The following SLC5A5 variants were observed in gnomAD, a reference collection of about 807,000 sequenced individuals.
SLC5A5 encodes the protein solute carrier family 5 member 5.
SLC5A5 carries 56 observed loss-of-function variants against 68.6 expected under a neutral mutation model. The observed-to-expected ratio is 0.82, with a 90% CI of 0.66 to 1.02. SLC5A5 has a LOEUF of 1.02. Ranked by LOEUF, SLC5A5 falls within the 50% of genes least tolerant of loss-of-function variation. The pLI, the probability that SLC5A5 is intolerant of heterozygous loss-of-function variation, is 0.00. For synonymous variants in SLC5A5, 398 were observed against 373.0 expected (o/e 1.07, Z -0.77); for missense variants, 807 against 859.8 (o/e 0.94, Z 0.77).
rs750116951 is a variant in SLC5A5 at position 17,882,181 on chromosome 19, G to A, written c.1204G>A (p.Ala402Thr). 5 of 1,613,996 alleles carry A rather than the reference G, an allele frequency of 3.1e-6. No homozygotes were observed. The East Asian group carries it at 1.1e-4, about 36-fold the overall frequency. Residue 402 changes from alanine (A) to threonine (T), a missense_variant, in exon 10 of 15, where the codon GCA becomes ACA. Physicochemically the swap from Ala to Thr is moderately conservative, Grantham distance 58 (BLOSUM62 0). Transcript: ENST00000222248. ...LIYGSACLTV[A>T]ALSSLLGGGV... ...CTACGGATCGGCCTGTCTCACCGTGGCAGCCCTGTCCTCACTGCTCGGAGG... is the reference window on the plus strand; with the variant it reads ...CTACGGATCGGCCTGTCTCACCGTGACAGCCCTGTCCTCACTGCTCGGAGG...
In SLC5A5 at chr19:17,894,869, A is replaced by G. The variant is rs2030351362; in HGVS notation, c.*992A>G. 1 of 152,218 alleles carries G rather than the reference A, an allele frequency of 6.6e-6. No homozygotes were observed. The highest frequency in any genetic ancestry group is 2.1e-4 in the South Asian group (1 of 4,830). The allele number at this position is 152,218 out of a possible 1,614,324, so 9.4% of individuals were successfully genotyped here. A position where few individuals can be genotyped will look rare whatever the true frequency, so the allele number is the denominator to read the frequency against. On this transcript the variant is annotated 3_prime_UTR_variant, in exon 15 of 15. Transcript: ENST00000222248. ...GGGTCTTTGCAGGTGTAACTGGTTA[A>G]ATTAAAAGAGGTATTACTGGAGGAG...
chr19:17,888,519 C>G (rs2030016990), intron 13 of SLC5A5, 64 bp downstream of exon 13: 31 of 1,592,464 alleles, frequency 1.9e-5, no homozygotes, highest in Non-Finnish European at 2.5e-5. Flanking sequence ...CAAGGCTCCA[C>G]CCAGCAGGGA....
chr19:17,880,764 C>G lies in SLC5A5; in HGVS notation c.970-101C>G. On this transcript the variant is annotated intron_variant, in intron 7 of 14. Transcript: ENST00000222248. ...GCATATTAAATGCCGACTCTGAGCCCTGTCCGTCTTGGGTGCTGGGGACGT... is the reference window on the plus strand; with the variant it reads ...GCATATTAAATGCCGACTCTGAGCCGTGTCCGTCTTGGGTGCTGGGGACGT... 3 of 833,234 alleles carry G rather than the reference C, an allele frequency of 3.6e-6. No individual in the cohort carries two copies. The South Asian group carries it at 4.0e-5, about 11-fold the overall frequency. The allele number at this position is 833,234 out of a possible 1,614,324, so 51.6% of individuals were successfully genotyped here.
rs368408648 is a variant in SLC5A5, at chr19:17,882,257, A to G, written c.1242+38A>G. 11 of 1,529,432 alleles carry G rather than the reference A, an allele frequency of 7.2e-6. No individual in the cohort carries two copies. In the African/African-American group the frequency reaches 1.4e-4, roughly 19 times the overall value. The allele number at this position is 1,529,432 out of a possible 1,614,324, so 94.7% of individuals were successfully genotyped here. The stretch of plus-strand genomic sequence containing the variant: ...CTGCCCCCTGCCCTGGTCTCCTGAG[A>G]GGTGGGGGCACCTTTCCCTCTTTCC... On this transcript the variant is annotated intron_variant, in intron 10 of 14. Transcript: ENST00000222248.
chr19:17,878,884 A>G (rs990339197), intron 7 of SLC5A5, among the ~76,000 whole-genome samples: 3 of 149,104 alleles, frequency 2.0e-5, no homozygotes, highest in South Asian at 2.2e-4. Context: ...CTGAGGCAGG[A>G]GAATAGCTTG....
intron 14 of SLC5A5, among the ~76,000 whole-genome samples, chr19:17,891,553 T>C (rs985465368): frequency 6.6e-6 from 1 of 152,186 alleles, no homozygotes; most frequent in Non-Finnish European, 1.5e-5. Context: ...TGAACAAAGT[T>C]GAATACTATT....
At chr19:17,889,338 G>A (rs1046716404) in intron 13 of SLC5A5, among the ~76,000 whole-genome samples, 2 of 151,808 alleles carry the variant, frequency 1.3e-5, no homozygotes, top group African/African-American at 4.8e-5. Flanking sequence ...GATGGAGGTT[G>A]CAGTGAGCCA....
chr19:17,872,709 C>T (rs754640501), intron 1 of SLC5A5, 33 bp downstream of exon 1: 1 of 1,339,836 alleles, frequency 7.5e-7, no homozygotes, highest in Admixed American at 1.7e-5. Flanking sequence ...TAGGACCTGC[C>T]CCACTGGCAG....
In SLC5A5 at chr19:17,882,087, G is replaced by A; in HGVS notation, c.1171+15G>A. On this transcript the variant is annotated intron_variant, in intron 9 of 14. Coordinates refer to ENST00000222248, the MANE Select transcript of SLC5A5 (RefSeq NM_000453.3). ...CAAGGGGCTCTGTGAGTTTCAGGGA[G>A]ACCTGGGTGGGAGGCCAGGGCAGTC... 1 of 1,612,940 alleles carries A rather than the reference G, an allele frequency of 6.2e-7. No homozygotes were observed. The highest frequency in any genetic ancestry group is 8.5e-7 in the Non-Finnish European group (1 of 1,178,872).
In SLC5A5 at chr19:17,872,441, A is replaced by G; in HGVS notation, c.122A>G (p.Gln41Arg). 1.9e-6 allele frequency: 3 copies of G among 1,608,758 alleles called. No homozygotes were observed. The highest frequency in any genetic ancestry group is 2.5e-6 in the Non-Finnish European group (3 of 1,177,860). The change falls in exon 1 of 15, where the codon CAG becomes CGG. Residue 41 changes from glutamine (Q) to arginine (R), a missense_variant. By Grantham distance (43) the Gln-to-Arg change is conservative. Coordinates refer to ENST00000222248, the MANE Select transcript of SLC5A5 (RefSeq NM_000453.3). ...GLWVGLARGG[Q>R]RSAEDFFTGG... ...TGGGTCGGGCTGGCTCGGGGCGGGCAGCGCAGCGCTGAGGACTTCTTCACC... is the reference window on the plus strand; with the variant it reads ...TGGGTCGGGCTGGCTCGGGGCGGGCGGCGCAGCGCTGAGGACTTCTTCACC...
chr19:17,875,331 T>C lies in SLC5A5; in HGVS notation c.543+600T>C, dbSNP rs577975259. The stretch of plus-strand genomic sequence containing the variant: ...GTTGCGGTGCGTGGAGATTGCGCCA[T>C]TGCACTCCAGCCTGGGCGACAGAGC... On this transcript the variant is annotated intron_variant, in intron 4 of 14. Coordinates refer to ENST00000222248, the MANE Select transcript of SLC5A5 (RefSeq NM_000453.3). Among the ~76,000 whole-genome samples, 315 of 150,880 alleles carry C rather than the reference T, an allele frequency of 2.1e-3. 2 individuals are homozygous for C. The highest frequency in any genetic ancestry group is 0.011 in the Middle Eastern group (3 of 284).
Position 17,885,009 on chromosome 19 carries a change from A to ATTT in SLC5A5, c.1526+976_1526+978dup, listed in dbSNP as rs71164317. Reference sequence around the variant, plus strand: ...GTGCCTGGCCCCAAAAACATTTTCTATTTTTTTTTTTTTTTGGAGCAGGGT... The same window carrying ATTT: ...GTGCCTGGCCCCAAAAACATTTTCTATTTTTTTTTTTTTTTTTTGGAGCAGGGT... On this transcript the variant is annotated intron_variant, in intron 12 of 14. Coordinates refer to ENST00000222248, the MANE Select transcript of SLC5A5 (RefSeq NM_000453.3). Among the ~76,000 whole-genome samples the ATTT allele has an allele frequency of 2.0e-3, 267 of 132,416 alleles. 6 individuals carry two copies. Among genetic ancestry groups the ATTT allele is most frequent in the African/African-American group, 5.6e-3 (195 of 34,748 alleles). The allele number at this position is 132,416 out of a possible 152,430, so 86.9% of individuals were successfully genotyped here.
intron 7 of SLC5A5, among the ~76,000 whole-genome samples, chr19:17,878,867 C>T (rs555523544): frequency 2.3e-4 from 35 of 149,074 alleles, no homozygotes; most frequent in African/African-American, 7.4e-4. Flanking sequence ...CCCAGCTACT[C>T]GGGAGGCTGA....
chr19:17,880,961 C>A lies in SLC5A5; in HGVS notation c.1058+8C>A, dbSNP rs189249326. 5 of 1,606,168 alleles carry A rather than the reference C, an allele frequency of 3.1e-6. No homozygotes were observed. Among genetic ancestry groups the A allele is most frequent in the Non-Finnish European group, 2.6e-6 (3 of 1,172,856 alleles). Reference sequence around the variant, plus strand: ...TTACAGTGGCACCCTCAGGTGAGCACCCCTGCTTGTTCATGGAGCATTATT... The same window carrying A: ...TTACAGTGGCACCCTCAGGTGAGCAACCCTGCTTGTTCATGGAGCATTATT... On this transcript the variant is annotated splice_region_variant and intron_variant, in intron 8 of 14. Coordinates refer to ENST00000222248, the MANE Select transcript of SLC5A5 (RefSeq NM_000453.3).
chr19:17,888,391 C>T lies in SLC5A5; in HGVS notation c.1587C>T (p.Leu529=), dbSNP rs2147751122. Residue 529 remains leucine (L), a synonymous_variant, in exon 13 of 15, where the codon CTC becomes CTT. Transcript: ENST00000222248. ...LADSFYAISY[L]YYGALGTLTT... ...ACAGCTTCTATGCCATCTCCTATCT[C>T]TATTACGGTGCCCTGGGCACGCTGA... is the stretch of plus-strand genomic sequence containing the variant. 1 of 1,614,012 alleles carries T rather than the reference C, an allele frequency of 6.2e-7. No individual in the cohort carries two copies. Among genetic ancestry groups the T allele is most frequent in the African/African-American group, 1.3e-5 (1 of 75,026 alleles).
intron 7 of SLC5A5, among the ~76,000 whole-genome samples, chr19:17,878,985 A>C (rs541890164): frequency 1.4e-5 from 2 of 148,076 alleles, no homozygotes; most frequent in East Asian, 4.0e-4. Flanking sequence ...AAAAAAAAAA[A>C]AAACAAAAAA....
chr19:17,874,229 G>C, intron 2 of SLC5A5, 26 bp downstream of exon 2: 1 of 1,547,698 alleles, frequency 6.5e-7, no homozygotes, highest in Non-Finnish European at 8.9e-7. Context: ...CCCGCCCTCC[G>C]CTCAGGGCCC....
chr19:17,883,668 C>G lies in SLC5A5; in HGVS notation c.1243-13C>G. On this transcript the variant is annotated splice_polypyrimidine_tract_variant and intron_variant, in intron 10 of 14. Coordinates refer to ENST00000222248, the MANE Select transcript of SLC5A5 (RefSeq NM_000453.3). ...GGCTCCGCCCTCAGCCCCACTTCCA[C>G]CTACTCTCCCAGGGCTCCTTCACCG... 2 of 1,610,830 alleles carry G rather than the reference C, an allele frequency of 1.2e-6. No homozygotes were observed. Among genetic ancestry groups the G allele is most frequent in the East Asian group, 4.5e-5 (2 of 44,858 alleles).
chr19:17,889,413 A>AGGAGGAAGGAAGGAAGGAAGGAAG lies in SLC5A5; in HGVS notation c.1651+959_1651+960insGAGGAAGGAAGGAAGGAAGGAAGG, dbSNP rs1555754783. ...GACTCCATCTAAAAGAAAGAAAGAA[A>AGGAGGAAGGAAGGAAGGAAGGAAG]GAAGGAAGGAAGGAAGGAAGGAAGG... On this transcript the variant is annotated intron_variant, in intron 13 of 14. Transcript: ENST00000222248. Among the ~76,000 whole-genome samples, 155 of 137,728 alleles carry AGGAGGAAGGAAGGAAGGAAGGAAG rather than the reference A, an allele frequency of 1.1e-3. 1 individual carries two copies. Among genetic ancestry groups the AGGAGGAAGGAAGGAAGGAAGGAAG allele is most frequent in the African/African-American group, 3.9e-3 (127 of 32,412 alleles). 90.4% of individuals were successfully genotyped at this position (137,728 alleles called of 152,430 possible).
Sources: gnomAD v4.1 joint callset for allele counts (sites outside exome capture counted in the v4.1 genomes callset) on GRCh38, gnomAD v4.1.1 for gene constraint, MANE v1.5 for transcripts, NCBI Gene and HGNC (gene_info 2026-07-23, HGNC 2026-07-21) for gene names.